The following NREP variants were observed in gnomAD, a reference collection of about 807,000 sequenced individuals.
NREP encodes neuronal regeneration-related protein.
Under a neutral mutation model 8.6 loss-of-function variants are expected in NREP, and 5 were observed. The observed-to-expected ratio is 0.58, with a 90% CI of 0.30 to 1.22. NREP has a LOEUF of 1.22. NREP is among the 50% of genes most tolerant of loss of function. The pLI is 0.07. For synonymous variants in NREP, 27 were observed against 28.0 expected, an observed-to-expected ratio of 0.96 and a Z score of 0.11; for missense variants, 86 against 82.5, an observed-to-expected ratio of 1.04 and a Z score of -0.17.
chr5:111,790,047 G>C (rs1751704124), intron 2 of NREP, among the ~76,000 whole-genome samples: 1 of 151,900 alleles, frequency 6.6e-6, no homozygotes. Context: ...TCTTTATATA[G>C]AAAGAACAAT....
intron 2 of NREP, among the ~76,000 whole-genome samples, chr5:111,775,167 G>T (rs1217048460): frequency 2.0e-5 from 3 of 151,842 alleles, no homozygotes; most frequent in Admixed American, 6.6e-5. Context: ...CTGGGAGTAC[G>T]GATGCACGCC....
intron 2 of NREP, among the ~76,000 whole-genome samples, chr5:111,841,056 C>G (rs989627075): frequency 1.3e-5 from 2 of 151,854 alleles, no homozygotes; most frequent in African/African-American, 2.4e-5. Context: ...TGCATGCATG[C>G]GATTTATTAA....
intron 2 of NREP, among the ~76,000 whole-genome samples, chr5:111,842,978 C>A (rs755605011): frequency 5.3e-5 from 8 of 152,044 alleles, no homozygotes; most frequent in Non-Finnish European, 8.8e-5. Flanking sequence ...CGCTAAAATT[C>A]TCTGTCTTTG....
intron 2 of NREP, among the ~76,000 whole-genome samples, chr5:111,776,817 A>C (rs995573419): frequency 9.8e-5 from 15 of 152,322 alleles, no homozygotes; most frequent in African/African-American, 3.6e-4. Flanking sequence ...ACCATTCTAA[A>C]GTGATGGAAA....
chr5:111,975,191 G>A, intron 2 of NREP: 2 of 890,790 alleles, frequency 2.2e-6, no homozygotes, highest in Non-Finnish European at 3.6e-6. Flanking sequence ...ACCAGTTCAG[G>A]AATCACTTGG....
intron 2 of NREP, among the ~76,000 whole-genome samples, chr5:111,880,075 C>G (rs1436033065): frequency 6.6e-6 from 1 of 152,118 alleles, no homozygotes; most frequent in Non-Finnish European, 1.5e-5. Flanking sequence ...CAAATTGGAT[C>G]CAAAATTCAG....
At chr5:111,814,623 T>C (rs1224891723) in intron 2 of NREP, among the ~76,000 whole-genome samples, 1 of 152,142 alleles carries the variant, frequency 6.6e-6, no homozygotes, top group Non-Finnish European at 1.5e-5. Flanking sequence ...ATGTACCAGG[T>C]ACAGTGCTGA....
intron 2 of NREP, among the ~76,000 whole-genome samples, chr5:111,944,898 CATCT>C (rs1194149451): frequency 6.6e-6 from 1 of 152,048 alleles, no homozygotes; most frequent in Non-Finnish European, 1.5e-5. Context: ...ATTTTTGTTC[CATCT>C]GTGTTTTAGT....
chr5:111,827,791 C>T (rs933369967), intron 2 of NREP, among the ~76,000 whole-genome samples: 1 of 151,848 alleles, frequency 6.6e-6, no homozygotes, highest in African/African-American at 2.4e-5. Context: ...TGAAGTGAGT[C>T]GAGATGATGC....
At chr5:111,893,605 T>C (rs1754442233) in intron 2 of NREP, among the ~76,000 whole-genome samples, 1 of 151,142 alleles carries the variant, frequency 6.6e-6, no homozygotes, top group Non-Finnish European at 1.5e-5. Context: ...AAAATACATC[T>C]ATCTTAAGGG....
chr5:111,869,747 G>C (rs1438916095), intron 2 of NREP, among the ~76,000 whole-genome samples: 1 of 152,108 alleles, frequency 6.6e-6, no homozygotes, highest in South Asian at 2.1e-4. Flanking sequence ...CACCCAAAGA[G>C]CATGCTCAAA....
intron 2 of NREP, among the ~76,000 whole-genome samples, chr5:111,950,377 A>G (rs1203681633): frequency 6.6e-6 from 1 of 152,114 alleles, no homozygotes; most frequent in African/African-American, 2.4e-5. Flanking sequence ...CCTTCCTTAA[A>G]CCTTATACAA....
intron 2 of NREP, among the ~76,000 whole-genome samples, chr5:111,921,115 T>C (rs505575): frequency 0.63 from 96,401 of 152,030 alleles, 31,144 homozygotes; most frequent in African/African-American, 0.69. Flanking sequence ...GACCCTTGCC[T>C]TAACTATCTG....
At chr5:111,782,043 T>C (rs1751506108) in intron 2 of NREP, among the ~76,000 whole-genome samples, 1 of 152,222 alleles carries the variant, frequency 6.6e-6, no homozygotes, top group Non-Finnish European at 1.5e-5. Flanking sequence ...ATGTAAAGTG[T>C]TTAGCTTTGT....
intron 2 of NREP, among the ~76,000 whole-genome samples, chr5:111,789,313 A>G (rs954116890): frequency 1.3e-4 from 20 of 152,176 alleles, no homozygotes; most frequent in African/African-American, 4.8e-4. Context: ...TGTGCAAAAA[A>G]TTGACTTTGT....
intron 2 of NREP, among the ~76,000 whole-genome samples, chr5:111,745,586 AG>A (rs1027564853): frequency 6.6e-6 from 1 of 152,156 alleles, no homozygotes; most frequent in Non-Finnish European, 1.5e-5. Flanking sequence ...AATCTAATTC[AG>A]TATAGCTTTC....
At chr5:111,824,726 T>C (rs1752583644) in intron 2 of NREP, among the ~76,000 whole-genome samples, 1 of 152,232 alleles carries the variant, frequency 6.6e-6, no homozygotes, top group African/African-American at 2.4e-5. Context: ...GTAGATCTCA[T>C]ATTTCAAAGG....
intron 2 of NREP, among the ~76,000 whole-genome samples, chr5:111,944,971 T>A (rs1319137892): frequency 6.6e-6 from 1 of 152,078 alleles, no homozygotes; most frequent in African/African-American, 2.4e-5. Flanking sequence ...AATATTTGAT[T>A]AGTTAACAAT....
At chr5:111,756,369 C>G in intron 1 of NREP, 2 of 543,124 alleles carry the variant, frequency 3.7e-6, no homozygotes, top group Non-Finnish European at 4.7e-6. Context: ...CTGTCCTTCT[C>G]CCTAAACCAA....
Sources: allele counts gnomAD v4.1 joint callset (sites outside exome capture counted in the v4.1 genomes callset), GRCh38; gene constraint gnomAD v4.1.1; transcripts MANE v1.5; gene names NCBI Gene and HGNC (gene_info 2026-07-23, HGNC 2026-07-21).